The following RBM20 variants were observed in gnomAD, a reference collection of about 807,000 sequenced individuals.
The protein encoded by RBM20 is RNA binding motif protein 20, also known as RNA-binding protein 20.
In RBM20, 51 loss-of-function variants were observed where a neutral mutation model predicts 110.1. That is an observed-to-expected ratio of 0.46 (90% CI 0.37 to 0.59). RBM20 has a LOEUF of 0.59. RBM20 is among the 20% of genes least tolerant of loss of function. RBM20 has a pLI of 0.00. For missense variants in RBM20, 1,512 were observed against 1,574.9 expected (o/e 0.96, Z 0.68); for synonymous variants, 589 against 618.2 (o/e 0.95, Z 0.70).
At chr10:110,773,285 C>T (rs897096766) in intron 1 of RBM20, among the ~76,000 whole-genome samples, 5 of 152,170 alleles carry the variant, frequency 3.3e-5, no homozygotes, top group African/African-American at 9.7e-5. Flanking sequence ...GACAGATAGA[C>T]ACACCACATG....
chr10:110,710,779 C>T (rs1431726783), intron 1 of RBM20, among the ~76,000 whole-genome samples: 1 of 152,204 alleles, frequency 6.6e-6, no homozygotes, highest in African/African-American at 2.4e-5. Flanking sequence ...GCTCCTGGCA[C>T]AGGAGAAGGA....
intron 1 of RBM20, among the ~76,000 whole-genome samples, chr10:110,761,994 G>A (rs1345296302): frequency 2.6e-5 from 4 of 152,224 alleles, no homozygotes; most frequent in Non-Finnish European, 4.4e-5. Context: ...ATCACCTGAG[G>A]TCAGGAGTTG....
At chr10:110,834,925 A>G (rs368061993) in intron 13 of RBM20, among the ~76,000 whole-genome samples, 4 of 152,336 alleles carry the variant, frequency 2.6e-5, no homozygotes, top group South Asian at 2.1e-4. Flanking sequence ...GGCCAGTCAT[A>G]GCAGTGAGTG....
intron 1 of RBM20, among the ~76,000 whole-genome samples, chr10:110,718,043 A>G (rs1299529944): frequency 6.6e-6 from 1 of 152,232 alleles, no homozygotes; most frequent in African/African-American, 2.4e-5. Context: ...AGAATGAAGA[A>G]AAACAGACAA....
chr10:110,644,330 C>T, upstream of RBM20: 1 of 693,860 alleles, frequency 1.4e-6, no homozygotes, highest in Non-Finnish European at 2.1e-6. This position sits in a 1 kb window ranked among gnomAD's most constrained non-coding sequence, Gnocchi z 4.3. Context: ...CTCGCGTCTC[C>T]TCCCCGCGCC....
intron 1 of RBM20, among the ~76,000 whole-genome samples, chr10:110,748,229 A>G (rs901150086): frequency 6.6e-6 from 1 of 152,228 alleles, no homozygotes; most frequent in African/African-American, 2.4e-5. Flanking sequence ...ATGTTTTGCT[A>G]ACCAAAAGAA....
chr10:110,779,469 T>G (rs75932022), intron 1 of RBM20, among the ~76,000 whole-genome samples: 1 of 152,210 alleles, frequency 6.6e-6, no homozygotes, highest in East Asian at 1.9e-4. Flanking sequence ...TTGTCATATA[T>G]CCTTTCTAAT....
chr10:110,717,514 A>T (rs1290595443), intron 1 of RBM20, among the ~76,000 whole-genome samples: 1 of 152,206 alleles, frequency 6.6e-6, no homozygotes, highest in Non-Finnish European at 1.5e-5. Flanking sequence ...TAGAGATGAC[A>T]TCAATGTCCC....
chr10:110,754,301 A>T (rs1843895443), intron 1 of RBM20, among the ~76,000 whole-genome samples: 1 of 152,214 alleles, frequency 6.6e-6, no homozygotes. Context: ...GATCACTGGT[A>T]ACTACGATGG....
intron 2 of RBM20, among the ~76,000 whole-genome samples, chr10:110,782,927 A>C (rs1844372854): frequency 6.6e-6 from 1 of 152,126 alleles, no homozygotes; most frequent in South Asian, 2.1e-4. Context: ...GGAGGTGCTC[A>C]AGGATTTTGT....
At chr10:110,707,458 C>G (rs535870090) in intron 1 of RBM20, among the ~76,000 whole-genome samples, 2 of 152,126 alleles carry the variant, frequency 1.3e-5, no homozygotes, top group African/African-American at 2.4e-5. Flanking sequence ...GGTTTTATTG[C>G]CTGCCATTCT....
chr10:110,782,878 C>T (rs1844371969), intron 2 of RBM20, among the ~76,000 whole-genome samples: 2 of 152,202 alleles, frequency 1.3e-5, no homozygotes, highest in South Asian at 4.1e-4. Flanking sequence ...AGGACATGCC[C>T]TCTGACCTCT....
At chr10:110,676,228 C>T (rs7095872) in intron 1 of RBM20, among the ~76,000 whole-genome samples, 130,729 of 152,202 alleles carry the variant, frequency 0.86, 59,675 homozygotes, top group East Asian at 1. Context: ...AATTGTACAT[C>T]CCAGGGGCTG....
At chr10:110,786,490 G>C (rs1045761116) in intron 5 of RBM20, among the ~76,000 whole-genome samples, 1 of 152,180 alleles carries the variant, frequency 6.6e-6, no homozygotes, top group African/African-American at 2.4e-5. Context: ...GTTTATTTGT[G>C]TGTGTTGATC....
intron 1 of RBM20, among the ~76,000 whole-genome samples, chr10:110,661,022 G>A (rs1862094490): frequency 6.6e-6 from 1 of 152,092 alleles, no homozygotes; most frequent in African/African-American, 2.4e-5. Context: ...CCAATGGCAG[G>A]AGAGTTGTAC....
intron 1 of RBM20, among the ~76,000 whole-genome samples, chr10:110,713,064 C>T (rs1195914019): frequency 2.0e-5 from 3 of 152,206 alleles, no homozygotes; most frequent in African/African-American, 7.2e-5. Context: ...GTTCTGTCCA[C>T]TCCCTCAGTG....
At chr10:110,667,906 G>A (rs2134834926) in intron 1 of RBM20, among the ~76,000 whole-genome samples, 1 of 152,252 alleles carries the variant, frequency 6.6e-6, no homozygotes, top group South Asian at 2.1e-4. Flanking sequence ...GTGAGTGAGT[G>A]GTGCAGGGAA....
At chr10:110,724,310 C>T (rs1234502277) in intron 1 of RBM20, among the ~76,000 whole-genome samples, 4 of 152,344 alleles carry the variant, frequency 2.6e-5, no homozygotes, top group Non-Finnish European at 5.9e-5. Flanking sequence ...TGTAAAACAT[C>T]TGCTCCAACA....
chr10:110,777,588 T>A (rs1844284471), intron 1 of RBM20, among the ~76,000 whole-genome samples: 1 of 152,224 alleles, frequency 6.6e-6, no homozygotes, highest in Non-Finnish European at 1.5e-5. Context: ...GTTAGTTTTC[T>A]TATTTTTTGA....
Sources: gnomAD v4.1 joint callset for allele counts (sites outside exome capture counted in the v4.1 genomes callset) on GRCh38, gnomAD v4.1.1 for gene constraint, Gnocchi (gnomAD v3.1) non-coding constraint, MANE v1.5 for transcripts, NCBI Gene and HGNC (gene_info 2026-07-23, HGNC 2026-07-21) for gene names.